The following SAMMSON variants were observed in gnomAD, a reference collection of about 807,000 sequenced individuals.
The protein encoded by SAMMSON is survival associated mitochondrial melanoma specific oncogenic non-coding RNA, also known as long intergenic non-protein coding RNA 1212.
intron 4 of SAMMSON, among the ~76,000 whole-genome samples, chr3:70,168,134 C>T (rs955440210): frequency 1.3e-5 from 2 of 151,980 alleles, no homozygotes; most frequent in Non-Finnish European, 2.9e-5. Context: ...CCTATTCCAT[C>T]TTTGAGTATC....
chr3:70,128,263 C>A (rs1451716779), intron 4 of SAMMSON, among the ~76,000 whole-genome samples: 1 of 152,120 alleles, frequency 6.6e-6, no homozygotes, highest in Non-Finnish European at 1.5e-5. Context: ...TCTCCCGAAC[C>A]AAAACTACCA....
intron 6 of SAMMSON, among the ~76,000 whole-genome samples, chr3:70,278,269 A>G (rs974918374): frequency 1.2e-4 from 19 of 152,202 alleles, no homozygotes; most frequent in African/African-American, 4.6e-4. Flanking sequence ...CGGTAGTTCA[A>G]AAATTGCTTT....
At chr3:70,277,732 G>C (rs1046380658) in intron 6 of SAMMSON, among the ~76,000 whole-genome samples, 4 of 152,130 alleles carry the variant, frequency 2.6e-5, no homozygotes, top group Non-Finnish European at 5.9e-5. Context: ...ATTCACTTAA[G>C]AAACAGGGAG....
At chr3:70,046,881 C>T (rs2067128993) in intron 3 of SAMMSON, among the ~76,000 whole-genome samples, 1 of 152,058 alleles carries the variant, frequency 6.6e-6, no homozygotes, top group Non-Finnish European at 1.5e-5. Flanking sequence ...CCTCTGGCTC[C>T]CTTCCATAGT....
At position 70,020,093 on chromosome 3, in the gene SAMMSON, C is replaced by G. The variant is rs139147499; in HGVS notation, n.417+6421C>G. Among the ~76,000 whole-genome samples the G allele has an allele frequency of 1.9e-3, 289 of 152,226 alleles. 2 individuals carry two copies. The highest frequency in any genetic ancestry group is 6.7e-3 in the African/African-American group (277 of 41,548). The stretch of plus-strand genomic sequence containing the variant: ...AATGCTCTTGTGCATCACAACCAGA[C>G]AAATGATGGTGTTCCTGCAGCATAT... On this transcript the variant is annotated intron_variant and non_coding_transcript_variant, in intron 3 of 9. Coordinates refer to ENST00000642114, the Ensembl canonical transcript of SAMMSON.
intron 1 of SAMMSON, among the ~76,000 whole-genome samples, chr3:70,001,751 A>C (rs1457076345): frequency 6.6e-6 from 1 of 152,112 alleles, no homozygotes; most frequent in African/African-American, 2.4e-5. Flanking sequence ...AACCCAGCTT[A>C]TCTCTCTTTA....
intron 4 of SAMMSON, among the ~76,000 whole-genome samples, chr3:70,122,638 A>AG (rs1553640869): frequency 0.12 from 18,983 of 152,046 alleles, 1,233 homozygotes; most frequent in South Asian, 0.22. Flanking sequence ...AGTGAAAAAA[A>AG]CATGTTTTTT....
intron 4 of SAMMSON, among the ~76,000 whole-genome samples, chr3:70,215,030 T>G (rs1701392934): frequency 1.3e-5 from 2 of 152,098 alleles, no homozygotes; most frequent in South Asian, 4.1e-4. Context: ...ACTATCAGTG[T>G]TTAAATATAA....
At chr3:70,102,389 A>C (rs150520175) in intron 4 of SAMMSON, among the ~76,000 whole-genome samples, 1 of 152,358 alleles carries the variant, frequency 6.6e-6, no homozygotes, top group African/African-American at 2.4e-5. Context: ...AACTGTGAAC[A>C]TATAACATAC....
chr3:70,222,333 C>T (rs1184126974), intron 4 of SAMMSON, among the ~76,000 whole-genome samples: 1 of 152,206 alleles, frequency 6.6e-6, no homozygotes, highest in Non-Finnish European at 1.5e-5. Flanking sequence ...GAAGATAAAA[C>T]TACTCATTTT....
intron 3 of SAMMSON, among the ~76,000 whole-genome samples, chr3:70,028,255 G>A (rs779029749): frequency 1.4e-5 from 2 of 147,828 alleles, no homozygotes; most frequent in African/African-American, 2.5e-5. Flanking sequence ...TTGCATTTTA[G>A]ACAGCTAAAA....
chr3:70,027,841 C>T (rs938860562), intron 3 of SAMMSON, among the ~76,000 whole-genome samples: 11 of 152,270 alleles, frequency 7.2e-5, no homozygotes, highest in African/African-American at 2.6e-4. Context: ...GCTAATGACT[C>T]TAAGAGCAAA....
chr3:70,064,205 C>A (rs2067201122), intron 3 of SAMMSON, among the ~76,000 whole-genome samples: 1 of 152,098 alleles, frequency 6.6e-6, no homozygotes, highest in Non-Finnish European at 1.5e-5. Context: ...AACAGAGTTC[C>A]AGTGCCTTGT....
intron 3 of SAMMSON, among the ~76,000 whole-genome samples, chr3:70,024,123 T>C (rs1383113227): frequency 6.6e-6 from 1 of 152,210 alleles, no homozygotes; most frequent in Non-Finnish European, 1.5e-5. Flanking sequence ...TCTGTCTGTC[T>C]CATTTCCTCA....
intron 2 of SAMMSON, among the ~76,000 whole-genome samples, chr3:70,409,874 A>G (rs578054699): frequency 2.0e-5 from 3 of 152,102 alleles, no homozygotes; most frequent in African/African-American, 7.2e-5. Context: ...GCTTTGTTAC[A>G]TGGGTATATT....
intron 4 of SAMMSON, among the ~76,000 whole-genome samples, chr3:70,116,922 C>T (rs2067413849): frequency 6.6e-6 from 1 of 152,162 alleles, no homozygotes. Flanking sequence ...AAAGCTCTAT[C>T]TTTATTGCAT....
At chr3:70,402,214 G>A (rs997438765) in intron 2 of SAMMSON, among the ~76,000 whole-genome samples, 4 of 152,110 alleles carry the variant, frequency 2.6e-5, no homozygotes, top group Non-Finnish European at 4.4e-5. Flanking sequence ...TTAATCCGGA[G>A]CAATAGAACT....
chr3:70,274,101 A>ATG (rs1397030079), intron 6 of SAMMSON, among the ~76,000 whole-genome samples: 5 of 85,496 alleles, frequency 5.8e-5, no homozygotes, highest in Non-Finnish European at 1.4e-4. Context: ...GCGCGCGCGC[A>ATG]TGTGTGTGTG....
At chr3:70,191,671 CT>C (rs1206530836) in intron 4 of SAMMSON, among the ~76,000 whole-genome samples, 1 of 152,004 alleles carries the variant, frequency 6.6e-6, no homozygotes, top group Non-Finnish European at 1.5e-5. Flanking sequence ...GAATGTTTTT[CT>C]TTGATATAGC....
Sources: allele counts gnomAD v4.1 joint callset (sites outside exome capture counted in the v4.1 genomes callset), GRCh38; gene constraint gnomAD v4.1.1; transcripts MANE v1.5; gene names NCBI Gene and HGNC (gene_info 2026-07-23, HGNC 2026-07-21).